Variants in STK4 observed in about 807,000 individuals in gnomAD.
STK4 encodes serine/threonine kinase 4.
A neutral mutation model predicts 64.9 loss-of-function variants in STK4; 30 were observed. That is an observed-to-expected ratio of 0.46 (90% CI 0.35 to 0.63). The LOEUF is 0.63. Among genes scored for constraint, STK4 ranks in the 20% least tolerant of loss-of-function variants. The probability of loss-of-function intolerance (pLI) is 0.01; values close to 1 mark genes in which losing one functional copy is unlikely to be tolerated. For missense variants in STK4, 466 were observed against 598.5 expected, an observed-to-expected ratio of 0.78 and a Z score of 2.31; for synonymous variants, 177 against 199.0, an observed-to-expected ratio of 0.89 and a Z score of 0.93.
intron 10 of STK4, among the ~76,000 whole-genome samples, chr20:45,040,143 C>G (rs1185570917): frequency 1.5e-5 from 2 of 137,182 alleles, no homozygotes; most frequent in Non-Finnish European, 3.0e-5. Context: ...CTCTCTTTTT[C>G]CGTTGTTAGA....
In STK4 at chr20:45,067,624, G is replaced by T. The variant is rs910627577; in HGVS notation, c.1306-7394G>T. Among the ~76,000 whole-genome samples, 17 of 152,230 alleles carry T rather than the reference G, an allele frequency of 1.1e-4. No homozygotes were observed. In the East Asian group the frequency reaches 3.3e-3, roughly 29 times the overall value. On this transcript the variant is annotated intron_variant, in intron 10 of 10. Transcript: ENST00000372806. ...GTGTTTAGTGTAGCTTAACTCTGCT[G>T]ATTCAAGATGGGCTAATTGTCAGTG... is the stretch of plus-strand genomic sequence containing the variant.
In STK4 at chr20:44,995,105, C is replaced by T; in HGVS notation, c.541C>T (p.Arg181Trp). Reference sequence around the variant, plus strand: ...TCTATTTTAGGATACCATGGCCAAGCGGAATACAGTGATAGGAACACCATT... The same window carrying T: ...TCTATTTTAGGATACCATGGCCAAGTGGAATACAGTGATAGGAACACCATT... ...AGQLTDTMAKRNTVIGTPFWM... is the reference protein window; with the variant it reads ...AGQLTDTMAKWNTVIGTPFWM... The change falls in exon 6 of 11, where the codon CGG (arginine) becomes TGG (tryptophan). Residue 181 changes from arginine (R) to tryptophan (W), a missense_variant. Arg to Trp is a moderately radical substitution (Grantham distance 101). Coordinates refer to ENST00000372806, the MANE Select transcript of STK4 (RefSeq NM_006282.5). 1.9e-6 allele frequency: 3 copies of T among 1,602,792 alleles called. No individual in the cohort carries two copies. The highest frequency in any genetic ancestry group is 2.6e-6 in the Non-Finnish European group (3 of 1,174,556).
intron 2 of STK4, among the ~76,000 whole-genome samples, chr20:44,973,850 C>T (rs1002478615): frequency 1.3e-5 from 2 of 152,120 alleles, no homozygotes; most frequent in African/African-American, 4.8e-5. Flanking sequence ...AATAAATGTT[C>T]AGTAAGTGGC....
At chr20:45,005,417 A>G (rs981526146) in intron 9 of STK4, among the ~76,000 whole-genome samples, 21 of 152,024 alleles carry the variant, frequency 1.4e-4, no homozygotes, top group Non-Finnish European at 4.4e-5. Context: ...AGGCCGAGGC[A>G]GGCGGATCAC....
chr20:45,008,305 A>T (rs779907183), intron 9 of STK4, among the ~76,000 whole-genome samples: 26 of 152,198 alleles, frequency 1.7e-4, no homozygotes, highest in Admixed American at 3.9e-4. Context: ...TCCACCCGCC[A>T]TGGCCTCCCA....
intron 10 of STK4, among the ~76,000 whole-genome samples, chr20:45,027,811 C>T (rs559771512): frequency 6.6e-6 from 1 of 152,320 alleles, no homozygotes. Context: ...CACTCTGTCT[C>T]CATAGGATCC....
chr20:44,982,303 AT>A (rs372174958), intron 4 of STK4, among the ~76,000 whole-genome samples: 33 of 142,878 alleles, frequency 2.3e-4, no homozygotes, highest in Admixed American at 2.8e-4. Flanking sequence ...TTGTTTTTTA[AT>A]TTTTTTTTTT....
chr20:44,966,544 G>C lies in STK4; in HGVS notation c.-25G>C. 7.9e-7 allele frequency: 1 copy of C among 1,265,250 alleles called. No homozygotes were observed. Among genetic ancestry groups the C allele is most frequent in the East Asian group, 3.1e-5 (1 of 31,844 alleles). 78.4% of individuals were successfully genotyped at this position (1,265,250 alleles called of 1,614,324 possible). A position where few individuals can be genotyped will look rare whatever the true frequency, so the allele number is the denominator to read the frequency against. ...CCGCGGGAGGATGGAGCAGTGAGCG[G>C]GTCTGGGCGGCTGCTGGCAGCGCCA... On this transcript the variant is annotated 5_prime_UTR_variant, in exon 1 of 11. Coordinates refer to ENST00000372806, the MANE Select transcript of STK4 (RefSeq NM_006282.5).
chr20:44,987,822 G>T (rs1358076784), intron 5 of STK4, among the ~76,000 whole-genome samples: 2 of 151,864 alleles, frequency 1.3e-5, no homozygotes, highest in East Asian at 3.8e-4. Context: ...TTCTACATAA[G>T]TATATATGAA....
chr20:45,057,192 A>G (rs970336874), intron 10 of STK4, among the ~76,000 whole-genome samples: 43 of 152,208 alleles, frequency 2.8e-4, no homozygotes, highest in African/African-American at 1.0e-3. Flanking sequence ...CACAGTGTCG[A>G]TGGTCCTCAC....
chr20:45,044,511 A>C (rs537148037), intron 10 of STK4, among the ~76,000 whole-genome samples: 14 of 152,236 alleles, frequency 9.2e-5, no homozygotes, highest in Middle Eastern at 6.8e-3. Flanking sequence ...TTAAAAAGCC[A>C]GGTAGGGTGG....
intron 10 of STK4, among the ~76,000 whole-genome samples, chr20:45,059,378 C>G (rs559083841): frequency 6.6e-6 from 1 of 152,248 alleles, no homozygotes; most frequent in East Asian, 1.9e-4. Flanking sequence ...ATGTGAATTG[C>G]CAGCATCACT....
chr20:45,008,228 TA>T (rs1482715360), intron 9 of STK4, among the ~76,000 whole-genome samples: 1 of 152,164 alleles, frequency 6.6e-6, no homozygotes, highest in Non-Finnish European at 1.5e-5. Context: ...CTAATTTTTG[TA>T]TTTTTAGTAG....
chr20:44,998,617 A>G (rs1481707971), intron 7 of STK4, among the ~76,000 whole-genome samples: 1 of 152,194 alleles, frequency 6.6e-6, no homozygotes, highest in African/African-American at 2.4e-5. Flanking sequence ...AAAAGAATCA[A>G]TATTGTCTAT....
chr20:45,060,005 A>G (rs897781444), intron 10 of STK4, among the ~76,000 whole-genome samples: 2 of 152,222 alleles, frequency 1.3e-5, no homozygotes, highest in Non-Finnish European at 2.9e-5. Flanking sequence ...CTTAAAGATT[A>G]AGGATCTATT....
At chr20:45,043,050 A>G (rs901715725) in intron 10 of STK4, among the ~76,000 whole-genome samples, 2 of 151,664 alleles carry the variant, frequency 1.3e-5, no homozygotes, top group African/African-American at 4.9e-5. Context: ...GTTCCCCACC[A>G]TGTGTCCATG....
chr20:44,981,398 G>A (rs910797388), intron 3 of STK4, among the ~76,000 whole-genome samples: 1 of 151,820 alleles, frequency 6.6e-6, no homozygotes, highest in African/African-American at 2.4e-5. Context: ...CAGGCAATCC[G>A]CCCGCATCGG....
chr20:45,022,853 C>A (rs1186996099), intron 9 of STK4, among the ~76,000 whole-genome samples: 2 of 152,092 alleles, frequency 1.3e-5, no homozygotes, highest in African/African-American at 4.8e-5. Flanking sequence ...TCAATTTAGT[C>A]ATTTATCTGT....
At chr20:45,009,603 A>T (rs1461732080) in intron 9 of STK4, among the ~76,000 whole-genome samples, 1 of 152,194 alleles carries the variant, frequency 6.6e-6, no homozygotes, top group Non-Finnish European at 1.5e-5. Flanking sequence ...AATAGTATGG[A>T]ATCTGTAAAT....
Sources: gnomAD v4.1 joint callset for allele counts (sites outside exome capture counted in the v4.1 genomes callset) on GRCh38, gnomAD v4.1.1 for gene constraint, MANE v1.5 for transcripts, NCBI Gene and HGNC (gene_info 2026-07-23, HGNC 2026-07-21) for gene names.